Variants in AGBL4 observed in about 807,000 individuals in gnomAD.
AGBL4 encodes the protein AGBL carboxypeptidase 4.
AGBL4 carries 58 observed loss-of-function variants against 66.4 expected under a neutral mutation model. That is an observed-to-expected ratio of 0.87 (90% confidence interval 0.71 to 1.09). The LOEUF (loss-of-function observed/expected upper bound fraction) is 1.09. Ranked by LOEUF, AGBL4 falls within the 50% of genes least tolerant of loss-of-function variation. The pLI, the probability that AGBL4 is intolerant of heterozygous loss-of-function variation, is 0.00. For missense variants in AGBL4, 579 were observed against 631.0 expected, an observed-to-expected ratio of 0.92 and a Z score of 0.88; for synonymous variants, 234 against 222.9, an observed-to-expected ratio of 1.05 and a Z score of -0.44.
At chr1:49,464,354 A>G (rs945034314) in intron 3 of AGBL4, among the ~76,000 whole-genome samples, 1 of 151,812 alleles carries the variant, frequency 6.6e-6, no homozygotes, top group African/African-American at 2.4e-5. Context: ...CTATGTTCAC[A>G]TTAATTTATT....
At chr1:48,987,203 G>A (rs568031207) in intron 5 of AGBL4, among the ~76,000 whole-genome samples, 40 of 151,790 alleles carry the variant, frequency 2.6e-4, no homozygotes, top group African/African-American at 5.3e-4. Flanking sequence ...ATAGCAAAAT[G>A]AACACCGTAA....
At chr1:49,251,802 G>T (rs182363786) in intron 3 of AGBL4, among the ~76,000 whole-genome samples, 1 of 152,288 alleles carries the variant, frequency 6.6e-6, no homozygotes, top group East Asian at 1.9e-4. Flanking sequence ...CACAGTCCAG[G>T]AGTTGGGAGC....
intron 5 of AGBL4, among the ~76,000 whole-genome samples, chr1:48,984,920 A>C (rs1175528732): frequency 6.6e-6 from 1 of 152,040 alleles, no homozygotes; most frequent in Non-Finnish European, 1.5e-5. Flanking sequence ...ATGGAAATTG[A>C]GCACAAAGGA....
At chr1:49,246,925 T>C (rs557840373) in intron 3 of AGBL4, among the ~76,000 whole-genome samples, 1 of 152,198 alleles carries the variant, frequency 6.6e-6, no homozygotes, top group East Asian at 1.9e-4. Flanking sequence ...AGGTATTATA[T>C]AGTATCAAGT....
intron 2 of AGBL4, among the ~76,000 whole-genome samples, chr1:49,709,138 C>T (rs1489652668): frequency 1.3e-5 from 2 of 152,220 alleles, no homozygotes. Flanking sequence ...AGGTTTATAT[C>T]TGCTGAAGCT....
chr1:49,494,707 C>T (rs1325695918), intron 3 of AGBL4, among the ~76,000 whole-genome samples: 1 of 152,034 alleles, frequency 6.6e-6, no homozygotes, highest in East Asian at 1.9e-4. Context: ...CAAGTCTTTG[C>T]TATTGTGAAT....
chr1:49,839,087 T>C (rs1459012708), intron 2 of AGBL4, among the ~76,000 whole-genome samples: 1 of 152,206 alleles, frequency 6.6e-6, no homozygotes, highest in Admixed American at 6.5e-5. Context: ...AATACCATCA[T>C]TCTTAGAGGA....
intron 1 of AGBL4, among the ~76,000 whole-genome samples, chr1:49,925,944 G>C (rs1172267761): frequency 2.6e-5 from 4 of 152,228 alleles, no homozygotes; most frequent in African/African-American, 9.6e-5. Context: ...CTGGAGCACA[G>C]GAGAACTTGC....
chr1:48,691,667 G>C (rs970043755), intron 6 of AGBL4, among the ~76,000 whole-genome samples: 2 of 152,128 alleles, frequency 1.3e-5, no homozygotes, highest in Admixed American at 6.6e-5. Context: ...ATAACTCTAT[G>C]GGGTAAAAAG....
At chr1:49,068,008 G>A (rs977888227) in intron 4 of AGBL4, among the ~76,000 whole-genome samples, 4 of 149,138 alleles carry the variant, frequency 2.7e-5, no homozygotes, top group African/African-American at 9.9e-5. Flanking sequence ...CAGAGCATAA[G>A]CTTCTTGAGG....
chr1:49,083,945 C>T (rs1485921935), intron 4 of AGBL4, among the ~76,000 whole-genome samples: 3 of 152,218 alleles, frequency 2.0e-5, no homozygotes, highest in Non-Finnish European at 4.4e-5. Flanking sequence ...TTCCAAAGAT[C>T]TCTAGAGCAA....
At chr1:49,183,250 G>A (rs765964785) in intron 4 of AGBL4, among the ~76,000 whole-genome samples, 12 of 152,128 alleles carry the variant, frequency 7.9e-5, no homozygotes, top group Non-Finnish European at 1.3e-4. Flanking sequence ...TAGCACATGT[G>A]TATATTAAAA....
At chr1:49,946,621 C>T (rs1489456219) in intron 1 of AGBL4, among the ~76,000 whole-genome samples, 1 of 151,696 alleles carries the variant, frequency 6.6e-6, no homozygotes, top group African/African-American at 2.4e-5. Context: ...AGAGCCCTAA[C>T]AGACAAAGAT....
chr1:48,603,483 T>C (rs1313869761), intron 9 of AGBL4, among the ~76,000 whole-genome samples: 1 of 151,320 alleles, frequency 6.6e-6, no homozygotes, highest in East Asian at 1.9e-4. Context: ...TAAAATAAAT[T>C]AAAGTGTTTA....
intron 3 of AGBL4, among the ~76,000 whole-genome samples, chr1:49,651,054 C>A (rs1208918553): frequency 6.6e-6 from 1 of 152,206 alleles, no homozygotes; most frequent in African/African-American, 2.4e-5. Context: ...AGACAAGCCA[C>A]AGAATTGTCT....
Position 48,533,815 on chromosome 1 carries a change from A to G in AGBL4, c.*358T>C, listed in dbSNP as rs1161737831. 3.6e-6 allele frequency: 1 copy of G among 278,932 alleles called. No individual in the cohort carries two copies. The highest frequency in any genetic ancestry group is 2.2e-5 in the African/African-American group (1 of 44,918). The allele number at this position is 278,932 out of a possible 1,614,324, so 17.3% of individuals were successfully genotyped here. Reference sequence around the variant, plus strand: ...GGTAACCATCTGCAGTAACTATAAAACTTAAAAATGTAAAGTGGCTTTGAA... The same window carrying G: ...GGTAACCATCTGCAGTAACTATAAAGCTTAAAAATGTAAAGTGGCTTTGAA... On this transcript the variant is annotated 3_prime_UTR_variant, in exon 14 of 14. Coordinates refer to ENST00000371839, the MANE Select transcript of AGBL4 (RefSeq NM_032785.4).
chr1:49,467,380 A>G (rs1646652958), intron 3 of AGBL4, among the ~76,000 whole-genome samples: 1 of 151,908 alleles, frequency 6.6e-6, no homozygotes. Context: ...AAACTGTCAG[A>G]TAGAAGAGGT....
intron 8 of AGBL4, among the ~76,000 whole-genome samples, chr1:48,650,905 C>T (rs1170276805): frequency 6.6e-6 from 1 of 152,172 alleles, no homozygotes; most frequent in Non-Finnish European, 1.5e-5. Context: ...CTCTGTGTTT[C>T]CTAAACTTAT....
At chr1:48,783,914 T>C (rs4926756) in intron 6 of AGBL4, among the ~76,000 whole-genome samples, 118,986 of 151,760 alleles carry the variant, frequency 0.78, 46,942 homozygotes, top group African/African-American at 0.86. Context: ...GAAAAATATA[T>C]AGGGATCCTA....
Sources: gnomAD v4.1 joint callset for allele counts (sites outside exome capture counted in the v4.1 genomes callset) on GRCh38, gnomAD v4.1.1 for gene constraint, MANE v1.5 for transcripts, NCBI Gene and HGNC (gene_info 2026-07-23, HGNC 2026-07-21) for gene names.